The following FBXO27 variants were observed in gnomAD, a reference collection of about 807,000 sequenced individuals.
The protein encoded by FBXO27 is F-box only protein 27.
A neutral mutation model predicts 28.3 loss-of-function variants in FBXO27; 28 were observed. The observed-to-expected ratio is 0.99, with a 90% CI of 0.73 to 1.36. FBXO27 has a LOEUF of 1.36. Ranked by LOEUF, FBXO27 falls within the 40% of genes most tolerant of loss-of-function variation. The pLI, the probability that FBXO27 is intolerant of heterozygous loss-of-function variation, is 0.00. For synonymous variants in FBXO27, 175 were observed against 167.3 expected (o/e 1.05, Z -0.36); for missense variants, 388 against 394.1 (o/e 0.98, Z 0.13).
chr19:39,020,432 C>T (rs1000119320), downstream of FBXO27, among the ~76,000 whole-genome samples: 5 of 151,786 alleles, frequency 3.3e-5, no homozygotes, highest in African/African-American at 9.7e-5. Context: ...ATGAAGGTGC[C>T]GAAGTGGTCT....
intron 2 of FBXO27, among the ~76,000 whole-genome samples, chr19:39,009,217 CTT>C (rs1454534960): frequency 6.6e-6 from 1 of 152,180 alleles, no homozygotes; most frequent in Non-Finnish European, 1.5e-5. Context: ...TGTTTCCACT[CTT>C]TGTCTCTTAT....
In FBXO27 at chr19:39,032,213, G is replaced by T; in HGVS notation, c.15C>A (p.Val5=). ...GGACCCGGGCGGCCCGGCCCCTGGAGACCGAGGCGCCCATGGTCCCCCCGC... is the reference window on the plus strand; with the variant it reads ...GGACCCGGGCGGCCCGGCCCCTGGATACCGAGGCGCCCATGGTCCCCCCGC... MGAS[V]SRGRAARVPA... is the part of the protein sequence containing the mutation. The change falls in exon 2 of 6, where the codon GTC becomes GTA. Residue 5 remains valine (V), a synonymous_variant. Transcript: ENST00000292853. The surrounding 1 kb of genome is among the most constrained non-coding windows in gnomAD (Gnocchi z 4.7). 6.9e-7 allele frequency: 1 copy of T among 1,452,912 alleles called. No individual in the cohort carries two copies. The highest frequency in any genetic ancestry group is 1.4e-5 in the South Asian group (1 of 70,396). 90.0% of individuals were successfully genotyped at this position (1,452,912 alleles called of 1,614,324 possible).
At chr19:39,028,139 G>C (rs1027746829) in intron 4 of FBXO27, among the ~76,000 whole-genome samples, 1 of 152,022 alleles carries the variant, frequency 6.6e-6, no homozygotes, top group Non-Finnish European at 1.5e-5. Context: ...TACGAGGCAG[G>C]AGAATCGCTG....
intron 1 of FBXO27, among the ~76,000 whole-genome samples, chr19:39,018,185 T>C (rs1433160517): frequency 6.6e-6 from 1 of 152,122 alleles, no homozygotes; most frequent in Non-Finnish European, 1.5e-5. Flanking sequence ...TTTCACCATG[T>C]TGGCCAAAAC....
intron 2 of FBXO27, among the ~76,000 whole-genome samples, chr19:39,008,984 C>A (rs555095635): frequency 2.4e-4 from 36 of 152,232 alleles, no homozygotes; most frequent in African/African-American, 7.9e-4. Flanking sequence ...CCATGCCCAG[C>A]TAATTTTTTG....
At chr19:39,031,524 CCCTGCCCCT>C (rs2072903475) in intron 2 of FBXO27, 1 of 621,698 alleles carries the variant, frequency 1.6e-6, no homozygotes, top group Admixed American at 2.9e-5. Context: ...TGCAGCAAAG[CCCTGCCCCT>C]CCAACCCCTC....
At chr19:39,009,639 G>T (rs1424857886) in intron 2 of FBXO27, among the ~76,000 whole-genome samples, 1 of 152,030 alleles carries the variant, frequency 6.6e-6, no homozygotes, top group Admixed American at 6.6e-5. Context: ...TGAAAACTGA[G>T]TTGCTTATCT....
intron 2 of FBXO27, among the ~76,000 whole-genome samples, chr19:39,010,961 G>A (rs558631480): frequency 1.3e-5 from 2 of 152,336 alleles, no homozygotes; most frequent in East Asian, 1.9e-4. Context: ...CATTACTTAT[G>A]CCAGGACCAC....
At chr19:39,023,853 G>A (rs900060297), downstream of FBXO27, among the ~76,000 whole-genome samples, 6 of 152,042 alleles carry the variant, frequency 3.9e-5, no homozygotes, top group Non-Finnish European at 2.9e-5. Context: ...GACCTCAAGT[G>A]ATCCGCCCAC....
At chr19:39,008,325 C>T (rs747730369) in intron 2 of FBXO27, among the ~76,000 whole-genome samples, 5 of 151,894 alleles carry the variant, frequency 3.3e-5, no homozygotes, top group African/African-American at 7.2e-5. Flanking sequence ...ACTATGTTGC[C>T]CAGGCTGGAC....
At position 39,031,921 on chromosome 19, in the gene FBXO27, G is replaced by A. The variant is rs1481897417; in HGVS notation, c.307C>T (p.Arg103Cys). ...CCGATGGGTCTGCGCGCGCAGAAGC[G>A]GCCCAGGGGGCAAGGCCTGGCGTTA... ...ARNARPCPLG[R>C]FCARRPIGRN... Residue 103 changes from arginine to cysteine, a missense_variant, in exon 2 of 6, where the codon CGC becomes TGC. By Grantham distance (180) the Arg-to-Cys change is radical. Coordinates refer to ENST00000292853, the MANE Select transcript of FBXO27 (RefSeq NM_178820.5). 2.0e-6 allele frequency: 3 copies of A among 1,504,916 alleles called. No homozygotes were observed. The highest frequency in any genetic ancestry group is 2.3e-5 in the Admixed American group (1 of 43,592). The allele number at this position is 1,504,916 out of a possible 1,614,324, so 93.2% of individuals were successfully genotyped here.
downstream of FBXO27, among the ~76,000 whole-genome samples, chr19:39,019,731 G>C (rs944360023): frequency 1.3e-5 from 2 of 151,790 alleles, no homozygotes; most frequent in African/African-American, 4.8e-5. Flanking sequence ...GCCTAAAGAG[G>C]GTTTTTTGTT....
At chr19:39,028,967 A>T (rs1214344156) in intron 4 of FBXO27, among the ~76,000 whole-genome samples, 1 of 150,490 alleles carries the variant, frequency 6.6e-6, no homozygotes, top group Non-Finnish European at 1.5e-5. Flanking sequence ...TTTTGAGGCC[A>T]GGTGGTAGAG....
At chr19:39,031,791 G>A in intron 2 of FBXO27, 73 bp downstream of exon 2, 1 of 1,387,564 alleles carries the variant, frequency 7.2e-7, no homozygotes, top group Non-Finnish European at 9.3e-7. Flanking sequence ...TCCCAGTGCG[G>A]CCCCGCCCCT....
intron 1 of FBXO27, among the ~76,000 whole-genome samples, chr19:39,018,528 C>A (rs1329913660): frequency 6.6e-6 from 1 of 152,046 alleles, no homozygotes; most frequent in Admixed American, 6.6e-5. Context: ...GGGACCCATG[C>A]AAAGTGCCAC....
chr19:39,022,680 G>A (rs530178043), downstream of FBXO27, among the ~76,000 whole-genome samples: 1 of 152,196 alleles, frequency 6.6e-6, no homozygotes, highest in African/African-American at 2.4e-5. Context: ...TCAGTGGAGC[G>A]ATCTTGGATC....
intron 5 of FBXO27, 106 bp from the exon 6 acceptor site, chr19:39,025,660 T>C: frequency 1.5e-6 from 2 of 1,371,134 alleles, no homozygotes; most frequent in Middle Eastern, 3.8e-4. Context: ...GGCTATAAAA[T>C]CTCCAATTGG....
chr19:39,006,532 C>A (rs1298938346), intron 2 of FBXO27, among the ~76,000 whole-genome samples: 1 of 151,968 alleles, frequency 6.6e-6, no homozygotes, highest in Non-Finnish European at 1.5e-5. Context: ...GAACACCAGC[C>A]TGGGCAACAA....
downstream of FBXO27, among the ~76,000 whole-genome samples, chr19:39,022,312 T>A (rs889717337): frequency 5.9e-5 from 9 of 151,968 alleles, no homozygotes; most frequent in South Asian, 2.1e-4. Flanking sequence ...GCTAATTTTT[T>A]AAATTTTTTT....
Sources: gnomAD v4.1 joint callset for allele counts (sites outside exome capture counted in the v4.1 genomes callset) on GRCh38, gnomAD v4.1.1 for gene constraint, Gnocchi (gnomAD v3.1) non-coding constraint, MANE v1.5 for transcripts, NCBI Gene and HGNC (gene_info 2026-07-23, HGNC 2026-07-21) for gene names.